The following C1orf21 variants were observed in gnomAD, a reference collection of about 807,000 sequenced individuals.
The protein encoded by C1orf21 is chromosome 1 open reading frame 21, also known as uncharacterized protein C1orf21.
In C1orf21, 3 loss-of-function variants were observed where a neutral mutation model predicts 18.7. The ratio of observed to expected loss-of-function variants is 0.16; its 90% CI spans 0.07 to 0.42. C1orf21 has a LOEUF of 0.42. Among genes scored for constraint, C1orf21 ranks in the 10% least tolerant of loss-of-function variants. The pLI, the probability that C1orf21 is intolerant of heterozygous loss-of-function variation, is 0.99. For synonymous variants in C1orf21, 41 were observed against 46.4 expected (o/e 0.88, Z 0.47); for missense variants, 104 against 143.6 (o/e 0.72, Z 1.41).
At position 184,455,009 on chromosome 1, in the gene C1orf21, T is replaced by A. The variant is rs1252598310; in HGVS notation, c.-124-22377T>A. On this transcript the variant is annotated intron_variant, in intron 1 of 5. Transcript: ENST00000235307. ...GACTAGAGTTCATTGAATCCACATG[T>A]TGCATGTGAAAAGAAGGGGGCAGGG... Among the ~76,000 whole-genome samples the A allele has an allele frequency of 2.6e-5, 4 of 152,256 alleles. No individual in the cohort carries two copies. The East Asian group carries it at 7.7e-4, about 29-fold the overall frequency.
At chr1:184,605,920 G>C (rs1182289338) in intron 5 of C1orf21, among the ~76,000 whole-genome samples, 1 of 152,164 alleles carries the variant, frequency 6.6e-6, no homozygotes, top group Non-Finnish European at 1.5e-5. Flanking sequence ...GGCTTGTTGG[G>C]GGTGGTGCTA....
intron 3 of C1orf21, among the ~76,000 whole-genome samples, chr1:184,521,184 C>T (rs539542340): frequency 5.3e-5 from 8 of 152,234 alleles, no homozygotes; most frequent in African/African-American, 1.4e-4. Context: ...TCACTGCACC[C>T]GGCCAATATA....
intron 1 of C1orf21, among the ~76,000 whole-genome samples, chr1:184,414,490 T>C (rs749913592): frequency 1.4e-4 from 21 of 152,172 alleles, no homozygotes; most frequent in Non-Finnish European, 2.6e-4. Flanking sequence ...AGGGCAGATA[T>C]TATTCAGCAG....
intron 1 of C1orf21, among the ~76,000 whole-genome samples, chr1:184,476,251 C>T (rs544116399): frequency 2.0e-5 from 3 of 152,188 alleles, no homozygotes; most frequent in South Asian, 4.1e-4. Context: ...ATCTGTGAAA[C>T]TTGAGAAACT....
intron 3 of C1orf21, among the ~76,000 whole-genome samples, chr1:184,577,289 C>T (rs569166680): frequency 2.6e-5 from 4 of 151,576 alleles, no homozygotes; most frequent in Non-Finnish European, 5.9e-5. Flanking sequence ...ATATATTACA[C>T]TGCTGGCGTT....
intron 1 of C1orf21, among the ~76,000 whole-genome samples, chr1:184,410,692 T>C: frequency 1.1e-5 from 1 of 90,650 alleles, no homozygotes; most frequent in Non-Finnish European, 2.0e-5. Context: ...GAGATGGAGT[T>C]TCGCTCCTGT....
At chr1:184,517,190 C>A (rs1298235466) in intron 3 of C1orf21, among the ~76,000 whole-genome samples, 1 of 152,188 alleles carries the variant, frequency 6.6e-6, no homozygotes, top group Non-Finnish European at 1.5e-5. Context: ...AATGTTAAAA[C>A]TTTCAATCAC....
chr1:184,617,966 A>G (rs139703693), intron 5 of C1orf21, among the ~76,000 whole-genome samples: 152 of 141,980 alleles, frequency 1.1e-3, no homozygotes, highest in African/African-American at 3.7e-3. Context: ...CTGCAGTGCA[A>G]TGGTGCGATC....
At chr1:184,463,752 A>G (rs1047215044) in intron 1 of C1orf21, among the ~76,000 whole-genome samples, 9 of 152,258 alleles carry the variant, frequency 5.9e-5, no homozygotes, top group African/African-American at 2.2e-4. Context: ...TTCAAAAGGA[A>G]GAGGACTCCC....
chr1:184,491,567 T>G (rs980791729), intron 2 of C1orf21, among the ~76,000 whole-genome samples: 2 of 152,120 alleles, frequency 1.3e-5, no homozygotes, highest in South Asian at 4.1e-4. Flanking sequence ...GCCCAGGCTG[T>G]TCTCGAACTC....
intron 1 of C1orf21, among the ~76,000 whole-genome samples, chr1:184,456,058 C>T (rs1252819382): frequency 6.6e-6 from 1 of 152,150 alleles, no homozygotes; most frequent in Non-Finnish European, 1.5e-5. Context: ...GAACATTACT[C>T]CTCCTCACAG....
At chr1:184,530,902 T>C (rs183457711) in intron 3 of C1orf21, among the ~76,000 whole-genome samples, 64 of 152,196 alleles carry the variant, frequency 4.2e-4, no homozygotes, top group African/African-American at 1.5e-3. Flanking sequence ...AGAAATGGCA[T>C]TGTGGTAATA....
intron 1 of C1orf21, among the ~76,000 whole-genome samples, chr1:184,434,300 A>G (rs1656824789): frequency 6.6e-6 from 1 of 151,678 alleles, no homozygotes; most frequent in Non-Finnish European, 1.5e-5. Flanking sequence ...CTTGATGTAT[A>G]TTACCTGATC....
chr1:184,460,042 C>T (rs1328546652), intron 1 of C1orf21, among the ~76,000 whole-genome samples: 2 of 152,234 alleles, frequency 1.3e-5, no homozygotes, highest in African/African-American at 4.8e-5. Context: ...GGACTCCACA[C>T]ACGGGCTCCT....
At chr1:184,572,211 G>C (rs1182116110) in intron 3 of C1orf21, among the ~76,000 whole-genome samples, 1 of 152,196 alleles carries the variant, frequency 6.6e-6, no homozygotes, top group African/African-American at 2.4e-5. Flanking sequence ...TCCATTATCA[G>C]ATTATCAAGG....
chr1:184,437,009 A>G (rs1195563387), intron 1 of C1orf21, among the ~76,000 whole-genome samples: 1 of 152,110 alleles, frequency 6.6e-6, no homozygotes, highest in Non-Finnish European at 1.5e-5. Context: ...GGGTAGGAAA[A>G]AAGGAATTGT....
At chr1:184,420,077 G>A (rs1161065105) in intron 1 of C1orf21, among the ~76,000 whole-genome samples, 1 of 152,164 alleles carries the variant, frequency 6.6e-6, no homozygotes, top group Non-Finnish European at 1.5e-5. Flanking sequence ...TGGAGTCAGA[G>A]GTCAAATCCT....
At chr1:184,576,495 A>G (rs939285434) in intron 3 of C1orf21, among the ~76,000 whole-genome samples, 4 of 152,142 alleles carry the variant, frequency 2.6e-5, no homozygotes, top group African/African-American at 7.2e-5. Flanking sequence ...CTATCCTCTC[A>G]CTGTCTTGCC....
chr1:184,501,161 C>T (rs1026428887), intron 2 of C1orf21, among the ~76,000 whole-genome samples: 4 of 152,198 alleles, frequency 2.6e-5, no homozygotes, highest in African/African-American at 9.7e-5. Context: ...GCTTCAGTGC[C>T]TGGACACTGG....
Sources: allele counts gnomAD v4.1 joint callset (sites outside exome capture counted in the v4.1 genomes callset), GRCh38; gene constraint gnomAD v4.1.1; transcripts MANE v1.5; gene names NCBI Gene and HGNC (gene_info 2026-07-23, HGNC 2026-07-21).